The following EYS variants were observed in gnomAD, a reference collection of about 807,000 sequenced individuals.
EYS encodes protein eyes shut homolog.
EYS carries 250 observed loss-of-function variants against 282.1 expected under a neutral mutation model. That is an observed-to-expected ratio of 0.89 (90% CI 0.80 to 0.98). The LOEUF (loss-of-function observed/expected upper bound fraction) is 0.98. EYS is among the 50% of genes least tolerant of loss of function. The pLI, the probability that EYS is intolerant of heterozygous loss-of-function variation, is 0.00. For synonymous variants in EYS, 1,355 were observed against 1,282.9 expected (o/e 1.06, Z -1.20); for missense variants, 4,016 against 3,709.0 (o/e 1.08, Z -2.15).
intron 5 of EYS, among the ~76,000 whole-genome samples, chr6:65,449,897 T>C (rs538816412): frequency 6.6e-6 from 1 of 152,086 alleles, no homozygotes; most frequent in Non-Finnish European, 1.5e-5. Flanking sequence ...CTCTTCCTCA[T>C]TTTAGATGCT....
chr6:64,809,802 C>T (rs566490755), intron 22 of EYS, among the ~76,000 whole-genome samples: 1 of 152,124 alleles, frequency 6.6e-6, no homozygotes, highest in South Asian at 2.1e-4. Flanking sequence ...GTGGGAACAA[C>T]AGACAATGGG....
At chr6:65,262,880 G>C (rs1231426456) in intron 12 of EYS, among the ~76,000 whole-genome samples, 1 of 152,022 alleles carries the variant, frequency 6.6e-6, no homozygotes, top group Non-Finnish European at 1.5e-5. Flanking sequence ...CCATCATATA[G>C]ATCATCTTGC....
intron 8 of EYS, among the ~76,000 whole-genome samples, chr6:65,358,352 CTTA>C (rs1340831207): frequency 5.9e-5 from 9 of 151,888 alleles, no homozygotes; most frequent in Non-Finnish European, 1.0e-4. Flanking sequence ...AATAAGTTCA[CTTA>C]TTATGGTATG....
intron 7 of EYS, among the ~76,000 whole-genome samples, chr6:65,388,406 A>C (rs1250604007): frequency 1.3e-5 from 2 of 151,972 alleles, no homozygotes; most frequent in Non-Finnish European, 2.9e-5. Flanking sequence ...AAACCGATAA[A>C]AGTGGAGGGA....
chr6:64,832,651 AT>A (rs1442916353), intron 19 of EYS, among the ~76,000 whole-genome samples: 2 of 151,884 alleles, frequency 1.3e-5, no homozygotes, highest in Non-Finnish European at 2.9e-5. Context: ...ATATGAGAAA[AT>A]TTTTGGAGGT....
At chr6:64,511,079 T>C (rs888254162) in intron 26 of EYS, among the ~76,000 whole-genome samples, 5 of 150,962 alleles carry the variant, frequency 3.3e-5, no homozygotes, top group African/African-American at 1.2e-4. Context: ...ATCTGAACTA[T>C]ATTATATAGT....
At chr6:65,290,705 A>G (rs1195162592) in intron 12 of EYS, among the ~76,000 whole-genome samples, 1 of 151,450 alleles carries the variant, frequency 6.6e-6, no homozygotes, top group African/African-American at 2.4e-5. Context: ...CGCATCTAAA[A>G]GACCAAAATT....
intron 5 of EYS, among the ~76,000 whole-genome samples, chr6:65,456,615 A>C (rs1764627676): frequency 6.6e-6 from 1 of 152,156 alleles, no homozygotes; most frequent in African/African-American, 2.4e-5. Flanking sequence ...AATTTATGCA[A>C]ATAAATACAT....
chr6:65,115,909 CTG>C (rs1206051863), intron 12 of EYS, among the ~76,000 whole-genome samples: 1 of 152,118 alleles, frequency 6.6e-6, no homozygotes, highest in East Asian at 1.9e-4. Context: ...CTTCATAACA[CTG>C]TGGTGTAACT....
intron 21 of EYS, among the ~76,000 whole-genome samples, chr6:64,813,917 G>A (rs1266826191): frequency 6.6e-6 from 1 of 151,996 alleles, no homozygotes; most frequent in Non-Finnish European, 1.5e-5. Context: ...GGCCCTTAGT[G>A]TCTACCATAC....
chr6:64,097,433 T>C (rs574578386), intron 31 of EYS, among the ~76,000 whole-genome samples: 1 of 152,304 alleles, frequency 6.6e-6, no homozygotes, highest in Non-Finnish European at 1.5e-5. Flanking sequence ...TTTATTTACC[T>C]ACTCAAGCCT....
chr6:64,200,254 G>A (rs1449011209), intron 31 of EYS, among the ~76,000 whole-genome samples: 2 of 152,010 alleles, frequency 1.3e-5, no homozygotes, highest in African/African-American at 2.4e-5. Context: ...TTCTAATGGT[G>A]GACACGTGAC....
chr6:64,719,763 G>C (rs1771513102), intron 22 of EYS, among the ~76,000 whole-genome samples: 1 of 152,064 alleles, frequency 6.6e-6, no homozygotes, highest in South Asian at 2.1e-4. Context: ...AAATTAGCCA[G>C]GCATGGTGCG....
intron 1 of EYS, among the ~76,000 whole-genome samples, chr6:65,648,914 GAGAAGGTAGATCACGGGGT>G (rs1322238032): frequency 6.6e-6 from 1 of 151,814 alleles, no homozygotes; most frequent in Non-Finnish European, 1.5e-5. Flanking sequence ...GGAGGCTGAG[GAGAAGGTAGATCACGGGGT>G]CAGGAGATAG....
chr6:64,250,416 C>A lies in EYS; in HGVS notation c.6192-19592G>T, dbSNP rs1439502549. ...CGTGGCCAGGGGAAAATAATCATTT[C>A]TCTAAAGAGAAAACCTTACAGCTAT... On this transcript the variant is annotated intron_variant, in intron 30 of 42. Transcript: ENST00000503581. 2.6e-5 allele frequency among the ~76,000 whole-genome samples: 4 copies of A among 152,292 alleles called. No homozygotes were observed. In the East Asian group the frequency reaches 5.8e-4, roughly 22 times the overall value.
intron 26 of EYS, among the ~76,000 whole-genome samples, chr6:64,561,738 T>C (rs1395992352): frequency 2.0e-5 from 3 of 152,008 alleles, no homozygotes; most frequent in Non-Finnish European, 4.4e-5. Flanking sequence ...ATCATTAAAA[T>C]GGTTATACTA....
At chr6:65,025,424 A>T (rs183413164) in intron 13 of EYS, among the ~76,000 whole-genome samples, 18 of 152,328 alleles carry the variant, frequency 1.2e-4, no homozygotes, top group African/African-American at 4.3e-4. Flanking sequence ...ATCCTTTGAG[A>T]TATGCTAAAT....
At chr6:65,175,291 A>G (rs1271012923) in intron 12 of EYS, among the ~76,000 whole-genome samples, 1 of 151,364 alleles carries the variant, frequency 6.6e-6, no homozygotes, top group African/African-American at 2.4e-5. Flanking sequence ...GACATTTGGA[A>G]TATAATAGTA....
chr6:65,303,466 A>G, intron 11 of EYS: 1 of 1,605,972 alleles, frequency 6.2e-7, no homozygotes, highest in African/African-American at 1.3e-5. Flanking sequence ...AAGCTCCAGA[A>G]ACTAACACTG....
Sources: allele counts gnomAD v4.1 joint callset (sites outside exome capture counted in the v4.1 genomes callset), GRCh38; gene constraint gnomAD v4.1.1; transcripts MANE v1.5; gene names NCBI Gene and HGNC (gene_info 2026-07-23, HGNC 2026-07-21).